The following OPA3 variants were observed in gnomAD, a reference collection of about 807,000 sequenced individuals.
OPA3 encodes the protein outer mitochondrial membrane lipid metabolism regulator OPA3, also known as optic atrophy 3 protein.
OPA3 carries 6 observed loss-of-function variants against 4.0 expected under a neutral mutation model. The ratio of observed to expected loss-of-function variants is 1.51; its 90% CI spans 0.83 to 2.99. The LOEUF (loss-of-function observed/expected upper bound fraction) is 2.99. Ranked by LOEUF, OPA3 falls within the 30% of genes most tolerant of loss-of-function variation. OPA3 has a pLI of 0.00. For missense variants in OPA3, 235 were observed against 256.2 expected (o/e 0.92, Z 0.56); for synonymous variants, 105 against 117.1 (o/e 0.90, Z 0.67).
Position 45,548,836 on chromosome 19 carries a change from C to T in OPA3, c.*4678G>A, listed in dbSNP as rs1969290416. Reference sequence around the variant, plus strand: ...TTATTTATTTAGAGATGAAGTCTCGCTCTGTCACCCAGGCTGGAGTATAAT... The same window carrying T: ...TTATTTATTTAGAGATGAAGTCTCGTTCTGTCACCCAGGCTGGAGTATAAT... On this transcript the variant is annotated 3_prime_UTR_variant, in exon 2 of 2. Transcript: ENST00000263275. The T allele has an allele frequency of 1.6e-6, 1 of 607,782 alleles. No individual in the cohort carries two copies. Among genetic ancestry groups the T allele is most frequent in the South Asian group, 7.0e-5 (1 of 14,322 alleles). 37.6% of individuals were successfully genotyped at this position (607,782 alleles called of 1,614,324 possible).
At chr19:45,527,483 A>C (rs1169426717) in exon 2 of OPA3, 1 of 143,324 alleles carries the variant, frequency 7.0e-6, no homozygotes. Flanking sequence ...ATCACAGCTC[A>C]CTGCAGCCTT....
intron 1 of OPA3, among the ~76,000 whole-genome samples, chr19:45,558,747 C>CG (rs1969458865): frequency 6.6e-6 from 1 of 150,990 alleles, no homozygotes; most frequent in Admixed American, 6.6e-5. Context: ...TTTTTTTAGA[C>CG]GGAGTCTCGC....
Position 45,548,224 on chromosome 19 carries a change from C to T in OPA3, c.*5290G>A. 1 of 985,708 alleles carries T rather than the reference C, an allele frequency of 1.0e-6. No homozygotes were observed. 61.1% of individuals were successfully genotyped at this position (985,708 alleles called of 1,614,324 possible). ...GCCACTCAGCAACACAGCGACCAGC[C>T]CAGGAGTAGCTCCGTGAGCCAATAG... On this transcript the variant is annotated 3_prime_UTR_variant, in exon 2 of 2. Coordinates refer to ENST00000263275, the MANE Select transcript of OPA3 (RefSeq NM_025136.4).
downstream of OPA3, among the ~76,000 whole-genome samples, chr19:45,542,893 G>A (rs1038295269): frequency 2.2e-4 from 33 of 151,976 alleles, no homozygotes; most frequent in African/African-American, 7.5e-4. Context: ...GGATGGTCTC[G>A]ATCTCCTGAC....
At chr19:45,555,926 C>T (rs1969415002) in intron 1 of OPA3, among the ~76,000 whole-genome samples, 1 of 152,166 alleles carries the variant, frequency 6.6e-6, no homozygotes, top group East Asian at 1.9e-4. Context: ...GCCACTATGC[C>T]TGGCCTATAT....
In OPA3 at chr19:45,551,418, A is replaced by C. The variant is rs2122429288; in HGVS notation, c.*2096T>G. ...TTTTCAGATGTAATTAAGGGTCTTG[A>C]GGTGGGATCATCCTGAACTTAAGAT... On this transcript the variant is annotated 3_prime_UTR_variant, in exon 2 of 2. Transcript: ENST00000263275. The C allele has an allele frequency of 6.6e-6, 1 of 152,328 alleles. No individual in the cohort carries two copies. Among genetic ancestry groups the C allele is most frequent in the South Asian group, 2.1e-4 (1 of 4,828 alleles). 9.4% of individuals were successfully genotyped at this position (152,328 alleles called of 1,614,324 possible). A position where few individuals can be genotyped will look rare whatever the true frequency, so the allele number is the denominator to read the frequency against.
intron 1 of OPA3, among the ~76,000 whole-genome samples, chr19:45,538,670 C>T (rs1969149291): frequency 6.6e-6 from 1 of 150,798 alleles, no homozygotes; most frequent in African/African-American, 2.4e-5. Context: ...TTGCAGTGAG[C>T]CAAAATTGTG....
intron 1 of OPA3, among the ~76,000 whole-genome samples, chr19:45,574,758 A>C (rs1969742600): frequency 1.3e-5 from 2 of 152,156 alleles, no homozygotes; most frequent in African/African-American, 4.8e-5. Context: ...GCTTTGACCA[A>C]TAGTGTGGTG....
intron 1 of OPA3, among the ~76,000 whole-genome samples, chr19:45,577,318 G>A (rs868147367): frequency 1.3e-5 from 2 of 152,208 alleles, no homozygotes; most frequent in East Asian, 3.8e-4. Context: ...TACAGATACT[G>A]GATTTGCTGG....
At position 45,553,376 on chromosome 19, in the gene OPA3, A is replaced by T; in HGVS notation, c.*138T>A. 1 of 1,570,060 alleles carries T rather than the reference A, an allele frequency of 6.4e-7. No individual in the cohort carries two copies. Among genetic ancestry groups the T allele is most frequent in the Non-Finnish European group, 8.6e-7 (1 of 1,165,294 alleles). ...GTGGCAGGTAACGGCTGCTCTTATC[A>T]GCAGGGGTAACCAAATGCCAAGTTG... On this transcript the variant is annotated 3_prime_UTR_variant, in exon 2 of 2. Transcript: ENST00000263275.
intron 1 of OPA3, among the ~76,000 whole-genome samples, chr19:45,580,768 GCCA>G (rs1969843548): frequency 6.6e-6 from 1 of 151,888 alleles, no homozygotes; most frequent in Non-Finnish European, 1.5e-5. Context: ...ACAGGTGTGC[GCCA>G]CCACACCTGC....
At chr19:45,529,497 G>C in intron 1 of OPA3, 4 of 1,612,426 alleles carry the variant, frequency 2.5e-6, no homozygotes, top group Non-Finnish European at 3.4e-6. Flanking sequence ...TTGCAGGGCA[G>C]CCTCCTATAA....
rs555274333 is a variant in OPA3, at chr19:45,534,758, G to A, written c.143-5302C>T. 3.6e-3 allele frequency among the ~76,000 whole-genome samples: 543 copies of A among 151,118 alleles called. 2 individuals carry two copies. Among genetic ancestry groups the A allele is most frequent in the African/African-American group, 0.012 (507 of 41,208 alleles). On this transcript the variant is annotated intron_variant, in intron 1 of 1. Transcript: ENST00000323060. The stretch of plus-strand genomic sequence containing the variant: ...AGCGATTCTCCTGCCTCAGCCTCCC[G>A]AGTAGCTGGGACTACAGGCACGCGC...
At position 45,552,252 on chromosome 19, in the gene OPA3, G is replaced by A. The variant is rs1394749477; in HGVS notation, c.*1262C>T. 1 of 976,850 alleles carries A rather than the reference G, an allele frequency of 1.0e-6. No individual in the cohort carries two copies. The highest frequency in any genetic ancestry group is 1.2e-6 in the Non-Finnish European group (1 of 822,206). 60.5% of individuals were successfully genotyped at this position (976,850 alleles called of 1,614,324 possible). ...AAGATGGAGTTTTGCTCGTTACCCA[G>A]GCTGGCATGCAATTGCGCAATCTCG... is the stretch of plus-strand genomic sequence containing the variant. On this transcript the variant is annotated 3_prime_UTR_variant, in exon 2 of 2. Coordinates refer to ENST00000263275, the MANE Select transcript of OPA3 (RefSeq NM_025136.4).
At chr19:45,584,394 T>A (rs1165461218) in intron 1 of OPA3, 1 of 985,412 alleles carries the variant, frequency 1.0e-6, no homozygotes, top group East Asian at 1.1e-4. Flanking sequence ...CTTTATCGGC[T>A]GGCATTTCCT....
chr19:45,545,468 C>A (rs1295750153), downstream of OPA3, among the ~76,000 whole-genome samples: 2 of 149,092 alleles, frequency 1.3e-5, no homozygotes, highest in Admixed American at 1.3e-4. Flanking sequence ...GAGGCTGAGG[C>A]TGCAGTGAGC....
chr19:45,548,773 CT>C lies in OPA3; in HGVS notation c.*4740del, dbSNP rs1969289020. The C allele has an allele frequency of 1.1e-6, 1 of 947,628 alleles. No individual in the cohort carries two copies. Among genetic ancestry groups the C allele is most frequent in the Non-Finnish European group, 1.3e-6 (1 of 798,168 alleles). The allele number at this position is 947,628 out of a possible 1,614,324, so 58.7% of individuals were successfully genotyped here. On this transcript the variant is annotated 3_prime_UTR_variant, in exon 2 of 2. Coordinates refer to ENST00000263275, the MANE Select transcript of OPA3 (RefSeq NM_025136.4). ...AAAGAATAAATAAAGGATATTTTTCCTAAGGTTGACATGGACCTTATTTATT... is the reference window on the plus strand; with the variant it reads ...AAAGAATAAATAAAGGATATTTTTCCAAGGTTGACATGGACCTTATTTATT...
At chr19:45,570,662 G>A (rs894154202) in intron 1 of OPA3, among the ~76,000 whole-genome samples, 5 of 151,898 alleles carry the variant, frequency 3.3e-5, no homozygotes, top group African/African-American at 9.7e-5. Flanking sequence ...ACTACAGCCT[G>A]GGCGACAGAG....
intron 1 of OPA3, among the ~76,000 whole-genome samples, chr19:45,531,618 T>G (rs1425434101): frequency 6.6e-6 from 1 of 152,202 alleles, no homozygotes; most frequent in African/African-American, 2.4e-5. Context: ...AAAGGGTGCT[T>G]GGTATCTCAG....
Sources: allele counts gnomAD v4.1 joint callset (sites outside exome capture counted in the v4.1 genomes callset), GRCh38; gene constraint gnomAD v4.1.1; transcripts MANE v1.5; gene names NCBI Gene and HGNC (gene_info 2026-07-23, HGNC 2026-07-21).